WRNIP1: variants seen among roughly 807,000 people sequenced by gnomAD.
WRNIP1 encodes the protein WRN helicase interacting protein 1.
Under a neutral mutation model 56.1 loss-of-function variants are expected in WRNIP1, and 41 were observed. The observed-to-expected ratio is 0.73, with a 90% CI of 0.57 to 0.95. The LOEUF (loss-of-function observed/expected upper bound fraction) is 0.95, where lower values mean the gene tolerates loss of function less well. Among genes scored for constraint, WRNIP1 ranks in the 40% least tolerant of loss-of-function variants. The pLI is 0.00. For missense variants in WRNIP1, 1,170 were observed against 939.4 expected (o/e 1.25, Z -3.21); for synonymous variants, 547 against 398.1 (o/e 1.37, Z -4.45).
chr6:2,773,988 C>T, intron 3 of WRNIP1: 1 of 985,202 alleles, frequency 1.0e-6, no homozygotes, highest in South Asian at 4.7e-5. Context: ...GACAAGCTGG[C>T]CCCCAAACAA....
chr6:2,783,633 G>GTTTT (rs1561917797), intron 5 of WRNIP1, 72 bp downstream of exon 5: 18 of 92,106 alleles, frequency 2.0e-4, no homozygotes, highest in African/African-American at 1.5e-3. Flanking sequence ...TTACATCGTG[G>GTTTT]CTTTTTTTTT....
intron 6 of WRNIP1, 147 bp from the exon 7 acceptor site, chr6:2,784,860 G>T: frequency 9.9e-7 from 1 of 1,009,830 alleles, no homozygotes; most frequent in East Asian, 2.4e-5. Flanking sequence ...GTCGTAGGTG[G>T]TTATCCAGAC....
In WRNIP1 at chr6:2,781,396, C is replaced by T. The variant is rs181400291; in HGVS notation, c.1486+1904C>T. ...CAACATGTCTGCCCCACAGTGGATC[C>T]GCAGACACATAAATATCATTCAGAT... On this transcript the variant is annotated intron_variant, in intron 4 of 6. Coordinates refer to ENST00000380773, the MANE Select transcript of WRNIP1 (RefSeq NM_020135.3). 2.6e-3 allele frequency among the ~76,000 whole-genome samples: 396 copies of T among 152,314 alleles called. 1 individual carries two copies. Among genetic ancestry groups the T allele is most frequent in the Non-Finnish European group, 4.6e-3 (310 of 68,032 alleles).
Position 2,765,861 on chromosome 6 carries a change from T to C in WRNIP1, c.239T>C (p.Leu80Pro). The C allele has an allele frequency of 6.9e-7, 1 of 1,440,692 alleles. No homozygotes were observed. The highest frequency in any genetic ancestry group is 9.1e-7 in the Non-Finnish European group (1 of 1,098,292). 89.2% of individuals were successfully genotyped at this position (1,440,692 alleles called of 1,614,324 possible). ...CGGCGGCTGTCGGAGAGCTCGGCGC[T>C]GAAGCAGCCAGCCACCCCGACGGCA... is the stretch of plus-strand genomic sequence containing the variant. ...KRRRLSESSALKQPATPTAAE... is the reference protein window; with the variant it reads ...KRRRLSESSAPKQPATPTAAE... Residue 80 changes from leucine to proline, a missense_variant, in exon 1 of 7, where the codon CTG (leucine) becomes CCG (proline). Transcript: ENST00000380773.
chr6:2,765,962 C>A lies in WRNIP1; in HGVS notation c.340C>A (p.Pro114Thr). Residue 114 changes from proline (P) to threonine (T), a missense_variant, in exon 1 of 7, where the codon CCG becomes ACG. Pro to Thr is a conservative substitution (Grantham distance 38). Transcript: ENST00000380773. ...CGAGAGCCGCGAGAGCTACGACGCG[C>A]CGCCCACACCCAGCGGCGCCCGCCT... Reference protein sequence around the residue: ...ETESRESYDAPPTPSGARLIP... With the variant: ...ETESRESYDATPTPSGARLIP... 7.0e-7 allele frequency: 1 copy of A among 1,420,378 alleles called. No individual in the cohort carries two copies. 88.0% of individuals were successfully genotyped at this position (1,420,378 alleles called of 1,614,324 possible).
intron 4 of WRNIP1, among the ~76,000 whole-genome samples, chr6:2,782,648 A>G (rs975734336): frequency 1.3e-5 from 2 of 152,228 alleles, no homozygotes; most frequent in Non-Finnish European, 2.9e-5. Flanking sequence ...AGAATAGTGA[A>G]ATGTATGCAG....
In WRNIP1 at chr6:2,783,570, G is replaced by C. The variant is rs148668944; in HGVS notation, c.1642+9G>C. The C allele has an allele frequency of 1.8e-4, 294 of 1,591,896 alleles. 1 individual carries two copies. The African/African-American group carries it at 3.6e-3, about 19-fold the overall frequency. ...TGCCAGCGAGGACATAGGTGAGTGT[G>C]ATGGGAGGGTCCCGGAGTCCTATGT... On this transcript the variant is annotated intron_variant, in intron 5 of 6. Coordinates refer to ENST00000380773, the MANE Select transcript of WRNIP1 (RefSeq NM_020135.3).
chr6:2,777,679 T>TA (rs1416553373), intron 3 of WRNIP1, among the ~76,000 whole-genome samples: 1 of 152,214 alleles, frequency 6.6e-6, no homozygotes, highest in Non-Finnish European at 1.5e-5. Flanking sequence ...TTCTTTAGTA[T>TA]ATGTTCTGTC....
chr6:2,784,977 A>T (rs1385933710), intron 6 of WRNIP1, 30 bp from the exon 7 acceptor site: 1 of 1,609,838 alleles, frequency 6.2e-7, no homozygotes, highest in Non-Finnish European at 8.5e-7. Context: ...GCATCTTGCT[A>T]GTAAAATGTG....
intron 4 of WRNIP1, among the ~76,000 whole-genome samples, chr6:2,782,550 G>A (rs1295321679): frequency 2.0e-5 from 3 of 152,240 alleles, no homozygotes; most frequent in Non-Finnish European, 2.9e-5. Flanking sequence ...GCTCCTCTGG[G>A]AGGAGTGAGA....
At position 2,765,843 on chromosome 6, in the gene WRNIP1, T is replaced by C; in HGVS notation, c.221T>C (p.Leu74Pro). The change falls in exon 1 of 7, where the codon CTG becomes CCG. Residue 74 changes from leucine to proline, a missense_variant. Physicochemically the swap from Leu to Pro is moderately conservative, Grantham distance 98. Transcript: ENST00000380773. ...PSPPGAKRRR[L>P]SESSALKQPA... The stretch of plus-strand genomic sequence containing the variant: ...CCGCCCGGCGCCAAGAGGCGGCGGC[T>C]GTCGGAGAGCTCGGCGCTGAAGCAG... 1 of 1,397,620 alleles carries C rather than the reference T, an allele frequency of 7.2e-7. No homozygotes were observed. The highest frequency in any genetic ancestry group is 9.3e-7 in the Non-Finnish European group (1 of 1,076,662). The allele number at this position is 1,397,620 out of a possible 1,614,324, so 86.6% of individuals were successfully genotyped here.
chr6:2,765,723 C>A lies in WRNIP1; in HGVS notation c.101C>A (p.Ser34Ter). Residue 34 changes from serine (S) to a stop codon, truncating the protein, a stop_gained, in exon 1 of 7, where the codon TCG becomes TAG. Coordinates refer to ENST00000380773, the MANE Select transcript of WRNIP1 (RefSeq NM_020135.3). LOFTEE classifies it high-confidence loss of function. ...ATGATGCCCGCCGCGCACATCAACT[C>A]GCACCTGGACCGCTGTCTGCTGCTC... ...QQMMPAAHIN[S>*]HLDRCLLLHP... The A allele has an allele frequency of 6.5e-7, 1 of 1,534,984 alleles. No homozygotes were observed.
intron 3 of WRNIP1, among the ~76,000 whole-genome samples, chr6:2,777,209 C>CT (rs1446006297): frequency 1.3e-4 from 20 of 152,294 alleles, no homozygotes; most frequent in African/African-American, 4.3e-4. Context: ...AGGTTTCACT[C>CT]TGAGATTATG....
chr6:2,770,970 A>T (rs160660), intron 3 of WRNIP1, among the ~76,000 whole-genome samples: 39,095 of 152,128 alleles, frequency 0.26, 5,743 homozygotes, highest in South Asian at 0.38. Flanking sequence ...CATCATGAGT[A>T]CCACATGAGC....
At chr6:2,775,337 C>G (rs188560672) in intron 3 of WRNIP1, among the ~76,000 whole-genome samples, 6 of 152,314 alleles carry the variant, frequency 3.9e-5, no homozygotes, top group Admixed American at 3.9e-4. Context: ...GGGTCTGCCC[C>G]TGGAGATTTG....
chr6:2,785,328 G>A lies in WRNIP1; in HGVS notation c.*46G>A, dbSNP rs1314016581. The A allele has an allele frequency of 1.3e-6, 2 of 1,588,732 alleles. No homozygotes were observed. The highest frequency in any genetic ancestry group is 8.6e-7 in the Non-Finnish European group (1 of 1,166,060). On this transcript the variant is annotated 3_prime_UTR_variant, in exon 7 of 7. Transcript: ENST00000380773. ...GAAGGATGTTGCTTTTTTAAGGGAG[G>A]GCCAGAAAGAAAGTTAGTGGATTGC... is the stretch of plus-strand genomic sequence containing the variant.
intron 4 of WRNIP1, among the ~76,000 whole-genome samples, chr6:2,781,536 A>G (rs1189538522): frequency 6.6e-6 from 1 of 152,220 alleles, no homozygotes; most frequent in Admixed American, 6.5e-5. Flanking sequence ...AGTGAGACAA[A>G]GACCCACCCC....
intron 4 of WRNIP1, among the ~76,000 whole-genome samples, chr6:2,780,360 T>C (rs575821785): frequency 6.6e-6 from 1 of 152,284 alleles, no homozygotes; most frequent in African/African-American, 2.4e-5. Context: ...GTGGAGGGGC[T>C]TAAGAATGAC....
At position 2,766,385 on chromosome 6, in the gene WRNIP1, C is replaced by T. The variant is rs761681212; in HGVS notation, c.763C>T (p.Leu255Phe). The change falls in exon 1 of 7, where the codon CTC (leucine) becomes TTC (phenylalanine). Residue 255 changes from leucine to phenylalanine, a missense_variant. By Grantham distance (22) the Leu-to-Phe change is conservative. Coordinates refer to ENST00000380773, the MANE Select transcript of WRNIP1 (RefSeq NM_020135.3). ...AVGQDTLLRS[L>F]LETNEIPSLI... ...GGGCCAGGATACCCTGCTGCGCTCG[C>T]TCCTGGAGACCAACGAAATCCCCTC... 1.9e-6 allele frequency: 3 copies of T among 1,607,810 alleles called. No individual in the cohort carries two copies. The highest frequency in any genetic ancestry group is 1.1e-5 in the South Asian group (1 of 90,150).
Sources: allele counts gnomAD v4.1 joint callset (sites outside exome capture counted in the v4.1 genomes callset), GRCh38; gene constraint gnomAD v4.1.1; transcripts MANE v1.5; gene names NCBI Gene and HGNC (gene_info 2026-07-23, HGNC 2026-07-21).